The following CTNNA3 variants were observed in gnomAD, a reference collection of about 807,000 sequenced individuals.
CTNNA3 encodes catenin alpha 3.
CTNNA3 carries 76 observed loss-of-function variants against 95.7 expected under a neutral mutation model. That is an observed-to-expected ratio of 0.79 (90% CI 0.66 to 0.96). The LOEUF (loss-of-function observed/expected upper bound fraction) is 0.96, where lower values mean the gene tolerates loss of function less well. CTNNA3 is among the 40% of genes least tolerant of loss of function. The probability of loss-of-function intolerance (pLI) is 0.00; values close to 1 mark genes in which losing one functional copy is unlikely to be tolerated. For synonymous variants in CTNNA3, 431 were observed against 374.4 expected (o/e 1.15, Z -1.74); for missense variants, 1,191 against 1,089.8 (o/e 1.09, Z -1.31).
chr10:67,605,698 G>C (rs1003898998), intron 3 of CTNNA3, among the ~76,000 whole-genome samples: 6 of 150,772 alleles, frequency 4.0e-5, no homozygotes, highest in African/African-American at 1.5e-4. Context: ...TTTTTTTTGA[G>C]ACGAAGTCTC....
chr10:66,033,352 A>T (rs954251875), intron 15 of CTNNA3, among the ~76,000 whole-genome samples: 1 of 151,340 alleles, frequency 6.6e-6, no homozygotes, highest in Non-Finnish European at 1.5e-5. Flanking sequence ...AGCCGGGATG[A>T]TCTCGATCTC....
At chr10:67,165,224 T>C (rs1165520738) in intron 7 of CTNNA3, among the ~76,000 whole-genome samples, 1 of 152,160 alleles carries the variant, frequency 6.6e-6, no homozygotes, top group East Asian at 1.9e-4. Context: ...TCTAAGGCAT[T>C]ATGCTGAGTT....
intron 13 of CTNNA3, among the ~76,000 whole-genome samples, chr10:66,121,624 T>A (rs1468306855): frequency 1.3e-5 from 2 of 152,132 alleles, no homozygotes; most frequent in Non-Finnish European, 2.9e-5. Context: ...CCAAGGCAAG[T>A]GAATTGCTTG....
chr10:67,530,940 T>C (rs1442837108), intron 4 of CTNNA3, among the ~76,000 whole-genome samples: 1 of 152,240 alleles, frequency 6.6e-6, no homozygotes, highest in Non-Finnish European at 1.5e-5. Flanking sequence ...GCTTGGGCTG[T>C]GGCTTCAGAA....
chr10:66,354,014 G>T (rs887026003), intron 12 of CTNNA3, among the ~76,000 whole-genome samples: 3 of 152,040 alleles, frequency 2.0e-5, no homozygotes, highest in Non-Finnish European at 1.5e-5. Context: ...CAGACGCAGC[G>T]GCTCACGCCT....
At chr10:67,195,019 C>G (rs73262252) in intron 6 of CTNNA3, among the ~76,000 whole-genome samples, 4,150 of 151,888 alleles carry the variant, frequency 0.027, 137 homozygotes, top group African/African-American at 0.09. Flanking sequence ...GATTTTATAT[C>G]TTAGGATGGG....
chr10:67,133,483 C>T (rs938279501), intron 7 of CTNNA3, among the ~76,000 whole-genome samples: 1 of 150,764 alleles, frequency 6.6e-6, no homozygotes, highest in African/African-American at 2.4e-5. Flanking sequence ...TGAAGCTTTA[C>T]AAAGTCGTGG....
rs34913748 is a variant in CTNNA3, at chr10:67,362,796, GAA to G, written c.580-142928_580-142927del. ...AAAAGAAATAAAAGGCATTCAAATA[GAA>G]AAAAAAAAAAATCAAACTCTCTCTC... is the stretch of plus-strand genomic sequence containing the variant. On this transcript the variant is annotated intron_variant, in intron 5 of 17. Transcript: ENST00000433211. 1.3e-3 allele frequency among the ~76,000 whole-genome samples: 189 copies of G among 145,846 alleles called. No individual in the cohort carries two copies. The East Asian group carries it at 0.014, about 11-fold the overall frequency.
At chr10:67,670,068 C>G (rs183411337) in intron 1 of CTNNA3, among the ~76,000 whole-genome samples, 1 of 152,246 alleles carries the variant, frequency 6.6e-6, no homozygotes, top group Admixed American at 6.5e-5. Context: ...GAATACCGAA[C>G]TAAACACAAA....
At position 66,017,053 on chromosome 10, in the gene CTNNA3, C is replaced by A. The variant is rs191151730; in HGVS notation, c.2160-28256G>T. 4.1e-4 allele frequency among the ~76,000 whole-genome samples: 63 copies of A among 152,136 alleles called. No individual in the cohort carries two copies. In the East Asian group the frequency reaches 0.012, roughly 28 times the overall value. On this transcript the variant is annotated intron_variant, in intron 15 of 17. Coordinates refer to ENST00000433211, the MANE Select transcript of CTNNA3 (RefSeq NM_013266.4). ...TGAGTTTATAATACAATAAAGTTCA[C>A]CATATAATCTGAACTACATAAATGC...
At chr10:66,471,150 G>GA (rs1839115404) in intron 11 of CTNNA3, among the ~76,000 whole-genome samples, 1 of 151,662 alleles carries the variant, frequency 6.6e-6, no homozygotes, top group African/African-American at 2.4e-5. Context: ...AACTGTCATT[G>GA]AAAAAAGTAG....
At chr10:67,107,916 C>G (rs1858738715) in intron 7 of CTNNA3, among the ~76,000 whole-genome samples, 1 of 152,210 alleles carries the variant, frequency 6.6e-6, no homozygotes, top group African/African-American at 2.4e-5. Flanking sequence ...CTAGCAGGGA[C>G]TCTGGCCTTG....
chr10:67,368,444 A>C (rs1163775973), intron 5 of CTNNA3, among the ~76,000 whole-genome samples: 1 of 152,196 alleles, frequency 6.6e-6, no homozygotes, highest in African/African-American at 2.4e-5. Flanking sequence ...TTTGGAAAAC[A>C]GTTTGATGAT....
chr10:66,532,753 T>C (rs531720316), intron 10 of CTNNA3, among the ~76,000 whole-genome samples: 65 of 152,276 alleles, frequency 4.3e-4, no homozygotes, highest in African/African-American at 1.5e-3. Context: ...ATGAAATCTA[T>C]GTAAGCAATG....
At chr10:66,596,567 T>C (rs1482026700) in intron 10 of CTNNA3, among the ~76,000 whole-genome samples, 3 of 152,058 alleles carry the variant, frequency 2.0e-5, no homozygotes, top group Non-Finnish European at 4.4e-5. Context: ...CAAGAGAATA[T>C]ACAAAATCTA....
rs1230174976 is a variant in CTNNA3, at chr10:66,069,436, A to C, written c.2031T>G (p.Val677=). 9 of 1,613,462 alleles carry C rather than the reference A, an allele frequency of 5.6e-6. No homozygotes were observed. Among genetic ancestry groups the C allele is most frequent in the Non-Finnish European group, 7.6e-6 (9 of 1,179,694 alleles). ...EAEKEKIAEQ[V]ADFKKVKSKL... ...TACTCTTTACTTTCTTGAAATCAGC[A>C]ACTTGCTCAGCAATCTTTTCTTTTT... Residue 677 remains valine (V), a synonymous_variant, in exon 15 of 18, where the codon GTT becomes GTG. Transcript: ENST00000433211.
At chr10:67,446,119 G>A (rs1273915329) in intron 5 of CTNNA3, among the ~76,000 whole-genome samples, 1 of 152,136 alleles carries the variant, frequency 6.6e-6, no homozygotes, top group Non-Finnish European at 1.5e-5. Flanking sequence ...GCAAGGGAAG[G>A]CAAACATGAA....
intron 4 of CTNNA3, among the ~76,000 whole-genome samples, chr10:67,534,864 GA>G (rs1840443232): frequency 6.6e-6 from 1 of 152,140 alleles, no homozygotes; most frequent in Non-Finnish European, 1.5e-5. Context: ...CATTATACTT[GA>G]TAGGACACAG....
intron 1 of CTNNA3, among the ~76,000 whole-genome samples, chr10:67,740,545 A>G (rs1841330244): frequency 6.6e-6 from 1 of 151,496 alleles, no homozygotes; most frequent in Admixed American, 6.6e-5. Context: ...GCGGCCAAAA[A>G]ACATATGAAA....
Sources: allele counts gnomAD v4.1 joint callset (sites outside exome capture counted in the v4.1 genomes callset), GRCh38; gene constraint gnomAD v4.1.1; transcripts MANE v1.5; gene names NCBI Gene and HGNC (gene_info 2026-07-23, HGNC 2026-07-21).